SERINC5: variants seen among roughly 807,000 people sequenced by gnomAD.
The protein encoded by SERINC5 is serine incorporator 5, also known as chromosome 5 open reading frame 12.
Under a neutral mutation model 63.1 loss-of-function variants are expected in SERINC5, and 41 were observed. The ratio of observed to expected loss-of-function variants is 0.65; its 90% CI spans 0.51 to 0.84. The LOEUF (loss-of-function observed/expected upper bound fraction) is 0.84, where lower values mean the gene tolerates loss of function less well. Ranked by LOEUF, SERINC5 falls within the 40% of genes least tolerant of loss-of-function variation. The pLI is 0.00. For synonymous variants in SERINC5, 222 were observed against 215.2 expected (o/e 1.03, Z -0.28); for missense variants, 523 against 573.0 (o/e 0.91, Z 0.89).
At chr5:80,127,343 TCTA>T (rs1744783449) in intron 11 of SERINC5, among the ~76,000 whole-genome samples, 1 of 152,210 alleles carries the variant, frequency 6.6e-6, no homozygotes, top group African/African-American at 2.4e-5. Context: ...ATCATATGGT[TCTA>T]CTATGTTCGT....
intron 8 of SERINC5, among the ~76,000 whole-genome samples, chr5:80,153,282 AC>A (rs1428033443): frequency 1.3e-5 from 2 of 151,764 alleles, no homozygotes; most frequent in African/African-American, 2.4e-5. Context: ...ACATGGTGAG[AC>A]CCTGTCTCTA....
Position 80,154,748 on chromosome 5 carries a change from TAAAG to T in SERINC5, c.987-3804_987-3801del, listed in dbSNP as rs1235510074. ...AACTAGGAAGTTGTTTGACATTGAA[TAAAG>T]ATTCTTACTTTTTCCAGTTTTATAT... On this transcript the variant is annotated intron_variant, in intron 8 of 11. Coordinates refer to ENST00000507668, the MANE Select transcript of SERINC5 (RefSeq NM_001174072.3). 2.6e-5 allele frequency among the ~76,000 whole-genome samples: 4 copies of T among 152,328 alleles called. No homozygotes were observed. The East Asian group carries it at 7.7e-4, about 29-fold the overall frequency.
chr5:80,208,941 A>C (rs1238819155), intron 1 of SERINC5, among the ~76,000 whole-genome samples: 1 of 152,238 alleles, frequency 6.6e-6, no homozygotes, highest in African/African-American at 2.4e-5. Context: ...GTACCTCAGA[A>C]AGTGACTGTA....
rs548411269 is a variant in SERINC5 at position 80,233,157 on chromosome 5, G to A, written c.27+22739C>T. ...TAATTTCTTTAAGGCCGGGTGCAGT[G>A]GCTCACGCCTGTAATCCCAGCACTT... On this transcript the variant is annotated intron_variant, in intron 1 of 11. Transcript: ENST00000507668. Among the ~76,000 whole-genome samples the A allele has an allele frequency of 2.6e-5, 4 of 152,316 alleles. No homozygotes were observed. In the South Asian group the frequency reaches 8.3e-4, roughly 32 times the overall value.
chr5:80,220,237 G>A (rs1487911286), intron 1 of SERINC5, among the ~76,000 whole-genome samples: 2 of 151,254 alleles, frequency 1.3e-5, no homozygotes, highest in East Asian at 3.9e-4. Flanking sequence ...AAAAAAGAGA[G>A]AGAGAGATAG....
intron 6 of SERINC5, among the ~76,000 whole-genome samples, chr5:80,168,496 C>A (rs987141022): frequency 6.6e-6 from 1 of 152,076 alleles, no homozygotes; most frequent in Non-Finnish European, 1.5e-5. Context: ...CAACTGCGCC[C>A]GACCACTAGT....
intron 1 of SERINC5, among the ~76,000 whole-genome samples, chr5:80,234,238 C>T (rs776655603): frequency 3.5e-4 from 53 of 152,166 alleles, no homozygotes; most frequent in Non-Finnish European, 6.9e-4. Flanking sequence ...TAATAATCCA[C>T]AGCCAGCTGG....
chr5:80,211,239 G>A (rs1375265208), intron 1 of SERINC5, among the ~76,000 whole-genome samples: 1 of 152,168 alleles, frequency 6.6e-6, no homozygotes, highest in East Asian at 1.9e-4. Context: ...AAGAAGCCAC[G>A]TTTGCTTTTC....
intron 2 of SERINC5, among the ~76,000 whole-genome samples, chr5:80,200,967 C>T (rs1749799925): frequency 6.6e-6 from 1 of 151,986 alleles, no homozygotes; most frequent in South Asian, 2.1e-4. Context: ...GGCATGGTGG[C>T]ACGCGCCTGT....
chr5:80,127,663 T>G (rs1030798891), intron 11 of SERINC5, among the ~76,000 whole-genome samples: 3 of 152,134 alleles, frequency 2.0e-5, no homozygotes, highest in Non-Finnish European at 4.4e-5. Context: ...GTTTTAAAAC[T>G]TAATTTTGAA....
chr5:80,205,847 C>T (rs551749164), intron 1 of SERINC5, among the ~76,000 whole-genome samples: 3 of 152,012 alleles, frequency 2.0e-5, no homozygotes, highest in South Asian at 2.1e-4. Context: ...GCAGGCGGAT[C>T]GTGAGGTCAG....
At chr5:80,166,572 A>G in intron 6 of SERINC5, 94 bp from the exon 7 acceptor site, 1 of 728,154 alleles carries the variant, frequency 1.4e-6, no homozygotes, top group Non-Finnish European at 2.4e-6. Context: ...ACAGTCCTCA[A>G]ACTTGAGCAT....
In SERINC5 at chr5:80,246,543, A is replaced by C. The variant is rs528345180; in HGVS notation, c.27+9353T>G. ...CTATATACTGTAACCTTACTTCAAA[A>C]ACCCACAAATTGTTTCAAAATTTAC... On this transcript the variant is annotated intron_variant, in intron 1 of 11. Transcript: ENST00000507668. Among the ~76,000 whole-genome samples, 11 of 152,312 alleles carry C rather than the reference A, an allele frequency of 7.2e-5. No individual in the cohort carries two copies. The South Asian group carries it at 2.3e-3, about 32-fold the overall frequency.
At chr5:80,145,016 A>G (rs1348800124) in intron 11 of SERINC5, among the ~76,000 whole-genome samples, 1 of 151,442 alleles carries the variant, frequency 6.6e-6, no homozygotes, top group African/African-American at 2.4e-5. Flanking sequence ...AAAAGCCTCC[A>G]GGGGAAAACA....
intron 9 of SERINC5, among the ~76,000 whole-genome samples, chr5:80,147,959 G>A (rs1430767974): frequency 6.6e-6 from 1 of 152,114 alleles, no homozygotes; most frequent in African/African-American, 2.4e-5. Context: ...TGACAGAGCT[G>A]GAACAGACGA....
chr5:80,225,807 A>C (rs1277264640), intron 1 of SERINC5, among the ~76,000 whole-genome samples: 1 of 152,194 alleles, frequency 6.6e-6, no homozygotes, highest in Non-Finnish European at 1.5e-5. Flanking sequence ...CCCTAGTTCT[A>C]TTTCTAAATG....
intron 1 of SERINC5, among the ~76,000 whole-genome samples, chr5:80,234,817 T>C (rs1751612260): frequency 6.6e-6 from 1 of 152,204 alleles, no homozygotes; most frequent in Non-Finnish European, 1.5e-5. Context: ...ATAATTGGGT[T>C]CATCATAGAC....
Position 80,142,554 on chromosome 5 carries a change from T to C in SERINC5, c.*1109A>G. Reference sequence around the variant, plus strand: ...CCTAACAAGCTTCTTCTGGTCAGTGTGTCTGAGATCCTCACCTCAGAAATT... The same window carrying C: ...CCTAACAAGCTTCTTCTGGTCAGTGCGTCTGAGATCCTCACCTCAGAAATT... On this transcript the variant is annotated 3_prime_UTR_variant, in exon 12 of 12. Coordinates refer to ENST00000507668, the MANE Select transcript of SERINC5 (RefSeq NM_001174072.3). 2.0e-6 allele frequency: 2 copies of C among 985,460 alleles called. No individual in the cohort carries two copies. Among genetic ancestry groups the C allele is most frequent in the South Asian group, 4.7e-5 (1 of 21,288 alleles). The allele number at this position is 985,460 out of a possible 1,614,324, so 61.0% of individuals were successfully genotyped here.
chr5:80,172,249 A>C (rs1747718808), intron 5 of SERINC5, among the ~76,000 whole-genome samples: 1 of 152,166 alleles, frequency 6.6e-6, no homozygotes, highest in Non-Finnish European at 1.5e-5. Flanking sequence ...TGGACACCAG[A>C]GGCAGAGGCT....
Sources: gnomAD v4.1 joint callset for allele counts (sites outside exome capture counted in the v4.1 genomes callset) on GRCh38, gnomAD v4.1.1 for gene constraint, MANE v1.5 for transcripts, NCBI Gene and HGNC (gene_info 2026-07-23, HGNC 2026-07-21) for gene names.